Variants in CD63 observed in about 807,000 individuals in gnomAD.
CD63 encodes the protein CD63 antigen.
CD63 carries 16 observed loss-of-function variants against 29.2 expected under a neutral mutation model. The ratio of observed to expected loss-of-function variants is 0.55; its 90% CI spans 0.37 to 0.83. The LOEUF (loss-of-function observed/expected upper bound fraction) is 0.83. Among genes scored for constraint, CD63 ranks in the 40% least tolerant of loss-of-function variants. The probability of loss-of-function intolerance (pLI) is 0.00; values close to 1 mark genes in which losing one functional copy is unlikely to be tolerated. For synonymous variants in CD63, 118 were observed against 111.7 expected (o/e 1.06, Z -0.36); for missense variants, 251 against 297.3 (o/e 0.84, Z 1.15).
At chr12:55,726,575 C>T in intron 5 of CD63, 125 bp downstream of exon 5, 1 of 774,956 alleles carries the variant, frequency 1.3e-6, no homozygotes, top group Non-Finnish European at 2.2e-6. Flanking sequence ...GAACTTCTGA[C>T]CTCAGGTGAT....
rs1482247479 is a variant in CD63, at chr12:55,726,725, G to A, written c.401C>T (p.Ser134Leu). Residue 134 changes from serine (S) to leucine (L), a missense_variant, in exon 5 of 8, where the codon TCG becomes TTG. By Grantham distance (145) the Ser-to-Leu change is moderately radical (BLOSUM62 -2). Coordinates refer to ENST00000257857, the MANE Select transcript of CD63 (RefSeq NM_001780.6). ...ENYPKNNHTA[S>L]ILDRMQADFK... ...ATCTGCCTGCATCCTGTCCAGGATCGAAGCAGTGTGGTTGTTTTTCGGGTA... is the reference window on the plus strand; with the variant it reads ...ATCTGCCTGCATCCTGTCCAGGATCAAAGCAGTGTGGTTGTTTTTCGGGTA... 3.1e-6 allele frequency: 5 copies of A among 1,613,992 alleles called. No homozygotes were observed. Among genetic ancestry groups the A allele is most frequent in the Non-Finnish European group, 4.2e-6 (5 of 1,179,918 alleles).
chr12:55,724,290 G>A, downstream of CD63: 1 of 1,611,568 alleles, frequency 6.2e-7, no homozygotes, highest in Non-Finnish European at 8.5e-7. Flanking sequence ...GTGAGGAAGG[G>A]AAACTGATTG....
In CD63 at chr12:55,725,342, C is replaced by T. The variant is rs887535515; in HGVS notation, c.*219G>A. On this transcript the variant is annotated 3_prime_UTR_variant, in exon 8 of 8. Transcript: ENST00000257857. Reference sequence around the variant, plus strand: ...TGCCCAACCAACACCTTCGCAAAGTCCTCCTTTCCCAAACACCCCCCAAAA... The same window carrying T: ...TGCCCAACCAACACCTTCGCAAAGTTCTCCTTTCCCAAACACCCCCCAAAA... The T allele has an allele frequency of 1.2e-5, 7 of 583,250 alleles. No homozygotes were observed. Among genetic ancestry groups the T allele is most frequent in the Admixed American group, 6.0e-5 (2 of 33,228 alleles). 36.1% of individuals were successfully genotyped at this position (583,250 alleles called of 1,614,324 possible).
upstream of CD63, chr12:55,729,035 G>C (rs1420442399): frequency 1.0e-6 from 1 of 985,034 alleles, no homozygotes; most frequent in African/African-American, 1.8e-5. Flanking sequence ...CTCCCGCCCC[G>C]CCTGCCGCGC....
chr12:55,727,981 G>A (rs2136153889), intron 2 of CD63: 3 of 1,172,202 alleles, frequency 2.6e-6, no homozygotes, highest in East Asian at 3.4e-5. Flanking sequence ...AGCATCAGGC[G>A]GTTGGCTGGT....
At chr12:55,724,140 C>A, downstream of CD63, 3 of 1,515,562 alleles carry the variant, frequency 2.0e-6, no homozygotes, top group South Asian at 1.2e-5. Flanking sequence ...GTGGGTGGGG[C>A]ACCCAGGGCA....
chr12:55,724,614 G>C, downstream of CD63: 3 of 1,345,242 alleles, frequency 2.2e-6, no homozygotes, highest in Non-Finnish European at 3.1e-6. Context: ...CCCCACCCTG[G>C]TACTGCCTGG....
downstream of CD63, chr12:55,724,449 C>T (rs778094344): frequency 1.9e-6 from 3 of 1,614,026 alleles, no homozygotes; most frequent in African/African-American, 4.0e-5. Context: ...GTTGGGATGC[C>T]AAGCTGCTCT....
Position 55,725,388 on chromosome 12 carries a change from C to CTTA in CD63, c.*172_*173insTAA, listed in dbSNP as rs1403503539. ...CAAAATAGACCTCGAAGTACACATG[C>CTTA]ATTAAGGTCCCAGAGGACAGGGAAC... On this transcript the variant is annotated 3_prime_UTR_variant, in exon 8 of 8. Transcript: ENST00000257857. 3 of 635,244 alleles carry CTTA rather than the reference C, an allele frequency of 4.7e-6. No individual in the cohort carries two copies. Among genetic ancestry groups the CTTA allele is most frequent in the Non-Finnish European group, 8.4e-6 (3 of 357,730 alleles). The allele number at this position is 635,244 out of a possible 1,614,324, so 39.4% of individuals were successfully genotyped here.
rs975712842 is a variant in CD63 at position 55,728,480 on chromosome 12, C to T, written c.-11-128G>A. The T allele has an allele frequency of 6.7e-7, 1 of 1,489,924 alleles. No individual in the cohort carries two copies. Among genetic ancestry groups the T allele is most frequent in the African/African-American group, 1.4e-5 (1 of 72,020 alleles). The allele number at this position is 1,489,924 out of a possible 1,614,324, so 92.3% of individuals were successfully genotyped here. A position where few individuals can be genotyped will look rare whatever the true frequency, so the allele number is the denominator to read the frequency against. On this transcript the variant is annotated intron_variant, in intron 1 of 7. Transcript: ENST00000257857. This position sits in a 1 kb window ranked among gnomAD's most constrained non-coding sequence, Gnocchi z 4.8. ...TCCCGGCCCCTCCCACCCGGAAACC[C>T]GCGGTCGGATCCACGTCTCCCAGCC...
upstream of CD63, chr12:55,729,060 C>T (rs1399348921): frequency 1.0e-6 from 1 of 985,320 alleles, no homozygotes; most frequent in Non-Finnish European, 1.2e-6. Context: ...CCGCCCCGGG[C>T]TCCAGCCACG....
downstream of CD63, chr12:55,723,888 G>C: frequency 6.2e-7 from 1 of 1,613,766 alleles, no homozygotes; most frequent in Non-Finnish European, 8.5e-7. Context: ...GACTCTAGGC[G>C]GGATGTAGCT....
At chr12:55,724,250 C>T, downstream of CD63, 1 of 1,567,022 alleles carries the variant, frequency 6.4e-7, no homozygotes, top group Non-Finnish European at 8.8e-7. Flanking sequence ...AGCCCAGGGC[C>T]CCAGAAGACA....
chr12:55,726,302 GAA>G, intron 5 of CD63, 41 bp from the exon 6 acceptor site: 1 of 1,038,228 alleles, frequency 9.6e-7, no homozygotes, highest in Non-Finnish European at 1.4e-6. Context: ...GTTGTTAAGT[GAA>G]CCTTCACCTT....
At chr12:55,724,198 A>G, downstream of CD63, 1 of 1,447,224 alleles carries the variant, frequency 6.9e-7, no homozygotes, top group Non-Finnish European at 9.5e-7. Context: ...GCCATGTGGA[A>G]CCTGCCCACT....
rs537109445 is a variant in CD63 at position 55,726,218 on chromosome 12, A to G, written c.470T>C (p.Ile157Thr). The G allele has an allele frequency of 5.2e-5, 84 of 1,611,786 alleles. No homozygotes were observed. Among genetic ancestry groups the G allele is most frequent in the Non-Finnish European group, 6.9e-5 (81 of 1,179,182 alleles). The change falls in exon 6 of 8, where the codon ATC becomes ACC. Residue 157 changes from isoleucine (I) to threonine (T), a missense_variant. Transcript: ENST00000257857. ...GACTCGGTTCTTCGACATGGAAGGG[A>G]TTTTCTCCCAATCTGTGTAGTTAGC... ...GAANYTDWEKIPSMSKNRVPD... is the reference protein window; with the variant it reads ...GAANYTDWEKTPSMSKNRVPD...
At position 55,725,880 on chromosome 12, in the gene CD63, ATCT is replaced by A; in HGVS notation, c.581_583del (p.Lys194del). ...CACATTTTTCCTCAGCCAGCCCCCA[ATCT>A]TCTCCACACAGCCCTGAAGGTGGCA... On this transcript the variant is annotated inframe_deletion, in exon 7 of 8. Transcript: ENST00000257857. 2 of 1,613,984 alleles carry A rather than the reference ATCT, an allele frequency of 1.2e-6. No homozygotes were observed. Among genetic ancestry groups the A allele is most frequent in the Non-Finnish European group, 8.5e-7 (1 of 1,179,940 alleles).
chr12:55,726,655 G>T (rs769843823), intron 5 of CD63, 45 bp downstream of exon 5: 3 of 1,467,550 alleles, frequency 2.0e-6, no homozygotes, highest in Non-Finnish European at 2.9e-6. Flanking sequence ...TTGGAGATGA[G>T]AATTCTCTAT....
Position 55,728,390 on chromosome 12 carries a change from C to T in CD63, c.-11-38G>A, listed in dbSNP as rs1405331710. The T allele has an allele frequency of 1.9e-6, 3 of 1,581,274 alleles. No homozygotes were observed. Among genetic ancestry groups the T allele is most frequent in the African/African-American group, 2.7e-5 (2 of 74,508 alleles). On this transcript the variant is annotated intron_variant, in intron 1 of 7. Coordinates refer to ENST00000257857, the MANE Select transcript of CD63 (RefSeq NM_001780.6). The surrounding 1 kb of genome is among the most constrained non-coding windows in gnomAD (Gnocchi z 4.8). ...GGAGGGCGGGGGGATTAAAACTGGCCGAAGGGGGACCTCGGTTTCCGGGCT... is the reference window on the plus strand; with the variant it reads ...GGAGGGCGGGGGGATTAAAACTGGCTGAAGGGGGACCTCGGTTTCCGGGCT...
Sources: allele counts gnomAD v4.1 joint callset, GRCh38; gene constraint gnomAD v4.1.1; non-coding constraint Gnocchi (gnomAD v3.1); transcripts MANE v1.5; gene names NCBI Gene and HGNC (gene_info 2026-07-23, HGNC 2026-07-21).